Variants in CECR2 observed in about 807,000 individuals in gnomAD.
CECR2 encodes the protein CECR2 histone acetyl-lysine reader, also known as chromatin remodeling regulator CECR2.
CECR2 carries 30 observed loss-of-function variants against 154.5 expected under a neutral mutation model. The observed-to-expected ratio is 0.19, with a 90% confidence interval of 0.15 to 0.26. The LOEUF is 0.26. Ranked by LOEUF, CECR2 falls within the 10% of genes least tolerant of loss-of-function variation. CECR2 has a pLI of 1.00. For missense variants in CECR2, 1,743 were observed against 1,829.3 expected, an observed-to-expected ratio of 0.95 and a Z score of 0.86; for synonymous variants, 725 against 683.7, an observed-to-expected ratio of 1.06 and a Z score of -0.94.
At chr22:17,378,006 C>T (rs1396741759) in intron 1 of CECR2, among the ~76,000 whole-genome samples, 4 of 152,266 alleles carry the variant, frequency 2.6e-5, no homozygotes, top group South Asian at 2.1e-4. Context: ...GTTTTTGAGA[C>T]GGAGGCTTGC....
chr22:17,413,663 GATTATT>G (rs111990077), intron 1 of CECR2, among the ~76,000 whole-genome samples: 7 of 150,640 alleles, frequency 4.6e-5, no homozygotes, highest in South Asian at 2.1e-4. Flanking sequence ...TTGGAAGGAG[GATTATT>G]ATTATTATTA....
chr22:17,467,512 G>A (rs943291474), intron 1 of CECR2, among the ~76,000 whole-genome samples: 2 of 152,086 alleles, frequency 1.3e-5, no homozygotes, highest in African/African-American at 4.8e-5. Context: ...TCCCGGGTGC[G>A]GTGGCTCACA....
At chr22:17,444,587 C>T (rs185712083) in intron 1 of CECR2, among the ~76,000 whole-genome samples, 12 of 152,044 alleles carry the variant, frequency 7.9e-5, no homozygotes, top group Admixed American at 4.6e-4. Context: ...CCACTGCACT[C>T]TAGCCTGGGC....
chr22:17,505,674 T>C (rs1386659117), intron 7 of CECR2, among the ~76,000 whole-genome samples: 2 of 151,172 alleles, frequency 1.3e-5, no homozygotes, highest in African/African-American at 2.4e-5. Context: ...GCTGGGATTA[T>C]AGGCTCACAC....
chr22:17,419,010 C>A, intron 1 of CECR2: 1 of 172,932 alleles, frequency 5.8e-6, no homozygotes, highest in Non-Finnish European at 1.3e-5. Context: ...AGACAAAGCC[C>A]GGGGCCCTGG....
In CECR2 at chr22:17,540,999, G is replaced by C. The variant is rs561603671; in HGVS notation, c.1884+199G>C. Among the ~76,000 whole-genome samples the C allele has an allele frequency of 2.8e-4, 42 of 152,248 alleles. No homozygotes were observed. In the South Asian group the frequency reaches 8.5e-3, roughly 31 times the overall value. ...CAGTGTTGCTATGTTGCCTAGGCTG[G>C]TCTCAAACTCTTGGCCTCAAACAGT... On this transcript the variant is annotated intron_variant, in intron 14 of 18. Transcript: ENST00000262608.
chr22:17,374,641 G>A lies in CECR2; in HGVS notation c.126+4732G>A, dbSNP rs555615226. ...CTACTTTTGTGACACAAGATGTGCC[G>A]CACTAGGAGTTAGGAAACTTGTATT... On this transcript the variant is annotated intron_variant, in intron 1 of 18. Coordinates refer to ENST00000262608, the MANE Select transcript of CECR2 (RefSeq NM_001290047.2). Among the ~76,000 whole-genome samples the A allele has an allele frequency of 4.9e-4, 75 of 152,310 alleles. 1 individual carries two copies. In the Middle Eastern group the frequency reaches 0.01, roughly 21 times the overall value.
At position 17,477,532 on chromosome 22, in the gene CECR2, G is replaced by C. The variant is rs1340192027; in HGVS notation, c.127-56G>C. On this transcript the variant is annotated intron_variant, in intron 1 of 18. Transcript: ENST00000262608. ...GCTTGTGCTGGCGGTAGGAAGGGGT[G>C]TGTATTTTAAGAAATCTCTGTTTGA... The C allele has an allele frequency of 4.3e-6, 5 of 1,153,234 alleles. No homozygotes were observed. In the East Asian group the frequency reaches 1.2e-4, roughly 27 times the overall value. 71.4% of individuals were successfully genotyped at this position (1,153,234 alleles called of 1,614,324 possible).
At chr22:17,446,429 G>A (rs778255676) in intron 1 of CECR2, among the ~76,000 whole-genome samples, 24 of 152,274 alleles carry the variant, frequency 1.6e-4, no homozygotes, top group Admixed American at 9.2e-4. Context: ...TAAAGGTGGT[G>A]TGGACCCCCA....
At chr22:17,471,573 C>A (rs370146057) in intron 1 of CECR2, among the ~76,000 whole-genome samples, 1 of 152,124 alleles carries the variant, frequency 6.6e-6, no homozygotes, top group Admixed American at 6.6e-5. Context: ...CTGGCTCTGT[C>A]GCCCAGGTTA....
At chr22:17,389,033 G>A (rs2063298015) in intron 1 of CECR2, among the ~76,000 whole-genome samples, 3 of 151,946 alleles carry the variant, frequency 2.0e-5, no homozygotes, top group Admixed American at 6.6e-5. Flanking sequence ...GGCTGGTCTC[G>A]AACTCCCTGA....
intron 9 of CECR2, among the ~76,000 whole-genome samples, chr22:17,525,474 C>G (rs1221963075): frequency 6.6e-6 from 1 of 151,012 alleles, no homozygotes; most frequent in African/African-American, 2.4e-5. Context: ...AACGTGGTAG[C>G]TCACGCCTGT....
Position 17,477,669 on chromosome 22 carries a change from C to G in CECR2, c.208C>G (p.Arg70Gly), listed in dbSNP as rs771270218. ...IACLLQGCYQ[R>G]RDITPQTFHS... is the part of the protein sequence containing the mutation. ...CTGCCTGCTTCAGGGCTGCTATCAA[C>G]GAAGAGATATCACGTGAGTAATTCT... is the stretch of plus-strand genomic sequence containing the variant. Residue 70 changes from arginine to glycine, a missense_variant, in exon 2 of 19, where the codon CGA becomes GGA. Physicochemically the swap from Arg to Gly is moderately radical, Grantham distance 125 (BLOSUM62 -2). Transcript: ENST00000262608. 1 of 1,606,796 alleles carries G rather than the reference C, an allele frequency of 6.2e-7. No individual in the cohort carries two copies. The highest frequency in any genetic ancestry group is 8.5e-7 in the Non-Finnish European group (1 of 1,173,386).
chr22:17,491,742 G>A (rs553779279), intron 2 of CECR2, among the ~76,000 whole-genome samples: 38 of 152,052 alleles, frequency 2.5e-4, no homozygotes, highest in South Asian at 1.2e-3. Flanking sequence ...TAAAAAAATA[G>A]CCTTTATCAT....
chr22:17,414,254 G>A (rs563901416), intron 1 of CECR2, among the ~76,000 whole-genome samples: 2 of 152,342 alleles, frequency 1.3e-5, no homozygotes, highest in South Asian at 2.1e-4. Flanking sequence ...TTACAGGCGT[G>A]AGCCACTGCG....
chr22:17,391,186 G>A (rs1264676459), intron 1 of CECR2, among the ~76,000 whole-genome samples: 5 of 152,144 alleles, frequency 3.3e-5, no homozygotes, highest in Non-Finnish European at 4.4e-5. Context: ...CAGTAATTCT[G>A]TAATAACATC....
intron 1 of CECR2, among the ~76,000 whole-genome samples, chr22:17,410,799 G>A (rs568011041): frequency 2.0e-5 from 3 of 152,168 alleles, no homozygotes; most frequent in Non-Finnish European, 4.4e-5. Flanking sequence ...TCACTTGGTG[G>A]TTGTCTCTGC....
intron 1 of CECR2, among the ~76,000 whole-genome samples, chr22:17,425,500 T>C (rs144828475): frequency 1.3e-5 from 2 of 152,308 alleles, no homozygotes; most frequent in East Asian, 3.9e-4. Context: ...AACTACTATA[T>C]GGGCTCTGAT....
At chr22:17,521,126 C>A (rs542325853) in intron 8 of CECR2, among the ~76,000 whole-genome samples, 2 of 152,164 alleles carry the variant, frequency 1.3e-5, no homozygotes, top group African/African-American at 4.8e-5. Flanking sequence ...TTTTAATGAT[C>A]GCCATTCTAA....
Sources: allele counts gnomAD v4.1 joint callset (sites outside exome capture counted in the v4.1 genomes callset), GRCh38; gene constraint gnomAD v4.1.1; transcripts MANE v1.5; gene names NCBI Gene and HGNC (gene_info 2026-07-23, HGNC 2026-07-21).